Variants in ITGA3 observed in about 807,000 individuals in gnomAD.
ITGA3 encodes integrin subunit alpha 3.
A neutral mutation model predicts 131.1 loss-of-function variants in ITGA3; 70 were observed. That is an observed-to-expected ratio of 0.53 (90% confidence interval 0.44 to 0.65). The LOEUF (loss-of-function observed/expected upper bound fraction) is 0.65. Ranked by LOEUF, ITGA3 falls within the 30% of genes least tolerant of loss-of-function variation. The probability of loss-of-function intolerance (pLI) is 0.00; values close to 1 mark genes in which losing one functional copy is unlikely to be tolerated. For synonymous variants in ITGA3, 537 were observed against 571.6 expected (o/e 0.94, Z 0.86); for missense variants, 1,098 against 1,388.6 (o/e 0.79, Z 3.33).
rs762617834 is a variant in ITGA3 at position 50,075,544 on chromosome 17, G to A, written c.1537+18G>A. On this transcript the variant is annotated intron_variant, in intron 11 of 25. Transcript: ENST00000320031. ...AAACATCAGTGAGTGCTGGGGTGCAGCGTAAAAGGGGTACGCTCCCCTGTC... is the reference window on the plus strand; with the variant it reads ...AAACATCAGTGAGTGCTGGGGTGCAACGTAAAAGGGGTACGCTCCCCTGTC... 3.1e-6 allele frequency: 5 copies of A among 1,614,128 alleles called. No homozygotes were observed. Among genetic ancestry groups the A allele is most frequent in the Non-Finnish European group, 4.2e-6 (5 of 1,180,050 alleles).
In ITGA3 at chr17:50,081,509, C is replaced by T. The variant is rs1909185588; in HGVS notation, c.2919+101C>T. 6 of 858,904 alleles carry T rather than the reference C, an allele frequency of 7.0e-6. No homozygotes were observed. The South Asian group carries it at 7.9e-5, about 11-fold the overall frequency. 53.2% of individuals were successfully genotyped at this position (858,904 alleles called of 1,614,324 possible). A position where few individuals can be genotyped will look rare whatever the true frequency, so the allele number is the denominator to read the frequency against. On this transcript the variant is annotated intron_variant, in intron 23 of 25. Transcript: ENST00000320031. ...TGACGCACTTCAGCCATATGGTTCT[C>T]AATCTTGGCCACACGGTAAGAGTAT...
rs377406636 is a variant in ITGA3 at position 50,068,325 on chromosome 17, G to C, written c.664+20G>C. ...GGAAAGGTGGGGACCATGGGGCCAT[G>C]GGGGAAGAAAGGAAGAGCAGAGACC... is the stretch of plus-strand genomic sequence containing the variant. On this transcript the variant is annotated intron_variant, in intron 4 of 25. Coordinates refer to ENST00000320031, the MANE Select transcript of ITGA3 (RefSeq NM_002204.4). 7.1e-5 allele frequency: 115 copies of C among 1,609,768 alleles called. No individual in the cohort carries two copies. In the African/African-American group the frequency reaches 1.4e-3, roughly 20 times the overall value.
In ITGA3 at chr17:50,064,743, G is replaced by A; in HGVS notation, c.414+136G>A. On this transcript the variant is annotated intron_variant, in intron 3 of 25. Transcript: ENST00000320031. The surrounding 1 kb of genome is among the most constrained non-coding windows in gnomAD (Gnocchi z 4.4). ...GGGGCCTGCACACATGTCCCTTCCT[G>A]TGGCTGTGTGTCCCTCGCTCTCTGC... is the stretch of plus-strand genomic sequence containing the variant. The A allele has an allele frequency of 4.7e-6, 3 of 641,802 alleles. No individual in the cohort carries two copies. Among genetic ancestry groups the A allele is most frequent in the Non-Finnish European group, 8.0e-6 (3 of 374,082 alleles). 39.8% of individuals were successfully genotyped at this position (641,802 alleles called of 1,614,324 possible). A position where few individuals can be genotyped will look rare whatever the true frequency, so the allele number is the denominator to read the frequency against.
chr17:50,076,715 A>T, intron 14 of ITGA3, 34 bp downstream of exon 14: 1 of 1,477,260 alleles, frequency 6.8e-7, no homozygotes, highest in Non-Finnish European at 9.5e-7. Flanking sequence ...TTAATCGGCC[A>T]AGGGTGGGAC....
At chr17:50,086,277 G>T (rs372334875) in intron 23 of ITGA3, 10 of 37,918 alleles carry the variant, frequency 2.6e-4, no homozygotes, top group Non-Finnish European at 8.4e-4. Context: ...TATTATACAT[G>T]TATAATATAT....
At chr17:50,083,820 AT>A (rs1909278621) in intron 23 of ITGA3, among the ~76,000 whole-genome samples, 1 of 152,106 alleles carries the variant, frequency 6.6e-6, no homozygotes, top group South Asian at 2.1e-4. Context: ...GTATTTTTTA[AT>A]ATATAAAGGA....
rs1040195564 is a variant in ITGA3, at chr17:50,060,356, C to T, written c.206+3711C>T. Among the ~76,000 whole-genome samples the T allele has an allele frequency of 4.6e-5, 7 of 152,342 alleles. No homozygotes were observed. The South Asian group carries it at 6.2e-4, about 14-fold the overall frequency. Reference sequence around the variant, plus strand: ...GGCTGCTTCTCTGAGCATTACCCCACCCCAGTGCCCCCAGGGGCCTTCTCC... The same window carrying T: ...GGCTGCTTCTCTGAGCATTACCCCATCCCAGTGCCCCCAGGGGCCTTCTCC... On this transcript the variant is annotated intron_variant, in intron 1 of 25. Coordinates refer to ENST00000320031, the MANE Select transcript of ITGA3 (RefSeq NM_002204.4).
At chr17:50,079,809 T>TG (rs1254333017) in intron 21 of ITGA3, among the ~76,000 whole-genome samples, 1 of 152,148 alleles carries the variant, frequency 6.6e-6, no homozygotes, top group Non-Finnish European at 1.5e-5. Context: ...CCCAGCCTGT[T>TG]GGGGGCGATA....
chr17:50,068,295 C>T lies in ITGA3; in HGVS notation c.654C>T (p.Tyr218=), dbSNP rs1381611466. The T allele has an allele frequency of 2.5e-6, 4 of 1,613,214 alleles. No homozygotes were observed. Among genetic ancestry groups the T allele is most frequent in the South Asian group, 1.1e-5 (1 of 91,082 alleles). ...TGTACTTCGGCGCCCCCGGTGCCTA[C>T]AACTGGAAAGGTGGGGACCATGGGG... ...NTVYFGAPGA[Y]NWKGNSYMIQ... Residue 218 remains tyrosine, a synonymous_variant, in exon 4 of 26, where the codon TAC becomes TAT. Coordinates refer to ENST00000320031, the MANE Select transcript of ITGA3 (RefSeq NM_002204.4).
Position 50,089,882 on chromosome 17 carries a change from C to T in ITGA3, c.*804C>T, listed in dbSNP as rs114060466. The T allele has an allele frequency of 0.01, 1,858 of 180,114 alleles. 38 individuals carry two copies. The highest frequency in any genetic ancestry group is 0.04 in the African/African-American group (1,703 of 42,626). The allele number at this position is 180,114 out of a possible 1,614,324, so 11.2% of individuals were successfully genotyped here. ...AGAAGGACCCAGAACGGCTTGCTTT[C>T]CTGCATCTCTGTGAAGCCTCTCTCC... On this transcript the variant is annotated 3_prime_UTR_variant, in exon 26 of 26. Coordinates refer to ENST00000320031, the MANE Select transcript of ITGA3 (RefSeq NM_002204.4).
intron 22 of ITGA3, 145 bp from the exon 23 acceptor site, chr17:50,081,165 G>A (rs1198372712): frequency 1.7e-6 from 1 of 605,262 alleles, no homozygotes; most frequent in Non-Finnish European, 3.0e-6. Context: ...TGTGTGTGGA[G>A]GGGAGGCCTG....
At chr17:50,088,122 G>A in intron 24 of ITGA3, 103 bp from the exon 25 acceptor site, 1 of 1,432,662 alleles carries the variant, frequency 7.0e-7, no homozygotes, top group Non-Finnish European at 9.3e-7. Flanking sequence ...CTGAGCCCCA[G>A]CCCCCAGGCT....
Position 50,077,033 on chromosome 17 carries a change from G to A in ITGA3, c.1982G>A (p.Arg661Gln), listed in dbSNP as rs376118706. ...CTGAGCATCAACGTGACGAACACCC[G>A]GACCTCGGAGCGCTCCGGGGAGGAC... is the stretch of plus-strand genomic sequence containing the variant. Reference protein sequence around the residue: ...LLLSINVTNTRTSERSGEDAH... With the variant: ...LLLSINVTNTQTSERSGEDAH... Residue 661 changes from arginine to glutamine, a missense_variant, in exon 15 of 26, where the codon CGG (arginine) becomes CAG (glutamine). By Grantham distance (43) the Arg-to-Gln change is conservative. Coordinates refer to ENST00000320031, the MANE Select transcript of ITGA3 (RefSeq NM_002204.4). 1.9e-5 allele frequency: 30 copies of A among 1,610,684 alleles called. No individual in the cohort carries two copies. Among genetic ancestry groups the A allele is most frequent in the Admixed American group, 1.0e-4 (6 of 59,810 alleles).
Position 50,089,637 on chromosome 17 carries a change from A to C in ITGA3, c.*559A>C. On this transcript the variant is annotated 3_prime_UTR_variant, in exon 26 of 26. Coordinates refer to ENST00000320031, the MANE Select transcript of ITGA3 (RefSeq NM_002204.4). ...GAGCCGGGAGGAAAAGGCCCCTGCA[A>C]TGTGGTGACACCTCCCCCTTTCACA... 1 of 215,298 alleles carries C rather than the reference A, an allele frequency of 4.6e-6. No homozygotes were observed. The highest frequency in any genetic ancestry group is 9.6e-5 in the South Asian group (1 of 10,364). The allele number at this position is 215,298 out of a possible 1,614,324, so 13.3% of individuals were successfully genotyped here.
chr17:50,071,261 A>C, intron 5 of ITGA3, 50 bp from the exon 6 acceptor site: 11 of 1,528,550 alleles, frequency 7.2e-6, no homozygotes, highest in East Asian at 2.3e-5. Flanking sequence ...CAGAGTAGAA[A>C]GAGACGAAGT....
At chr17:50,065,275 C>A (rs1050403387) in intron 3 of ITGA3, 1 of 152,238 alleles carries the variant, frequency 6.6e-6, no homozygotes, top group South Asian at 2.1e-4. Context: ...ATCTCAAGCA[C>A]TTAACTCTGT....
At chr17:50,080,410 C>A in intron 22 of ITGA3, 35 bp downstream of exon 22, 1 of 1,340,700 alleles carries the variant, frequency 7.5e-7, no homozygotes, top group South Asian at 1.2e-5. Context: ...CTCCTACCAT[C>A]CACCCTGAGG....
Position 50,077,445 on chromosome 17 carries a change from A to G in ITGA3, c.2137A>G (p.Arg713Gly). The G allele has an allele frequency of 6.2e-7, 1 of 1,612,908 alleles. No individual in the cohort carries two copies. Among genetic ancestry groups the G allele is most frequent in the Non-Finnish European group, 8.5e-7 (1 of 1,178,922 alleles). Residue 713 changes from arginine to glycine, a missense_variant and splice_region_variant, in exon 16 of 26, where the codon AGG (arginine) becomes GGG (glycine). Physicochemically the swap from Arg to Gly is moderately radical, Grantham distance 125 (BLOSUM62 -2). Around this residue, in one of 3 missense-constraint regions of ITGA3, gnomAD observed 699 missense variants for 829.2 expected, o/e 0.84. Coordinates refer to ENST00000320031, the MANE Select transcript of ITGA3 (RefSeq NM_002204.4). The stretch of plus-strand genomic sequence containing the variant: ...GGGGAACCCCTTCAAACGGAACCAG[A>G]GGGTGAGCACCGGCCACATCCTCCC... ...ELGNPFKRNQ[R>G]MELLIAFEVI... is the part of the protein sequence containing the mutation.
Position 50,068,052 on chromosome 17 carries a change from C to A in ITGA3, c.415-4C>A, listed in dbSNP as rs1279174837. On this transcript the variant is annotated splice_region_variant and splice_polypyrimidine_tract_variant and intron_variant, in intron 3 of 25. Coordinates refer to ENST00000320031, the MANE Select transcript of ITGA3 (RefSeq NM_002204.4). ...AAGGCTGCCTGTGTTTGGGGGGTCC[C>A]CAGGTCTGTGCCCACCGCTACACCC... 1 of 1,613,864 alleles carries A rather than the reference C, an allele frequency of 6.2e-7. No homozygotes were observed. The highest frequency in any genetic ancestry group is 8.5e-7 in the Non-Finnish European group (1 of 1,180,018).
Sources: allele counts gnomAD v4.1 joint callset (sites outside exome capture counted in the v4.1 genomes callset), GRCh38; gene constraint gnomAD v4.1.1; regional missense constraint gnomAD v4.1.1; non-coding constraint Gnocchi (gnomAD v3.1); transcripts MANE v1.5; gene names NCBI Gene and HGNC (gene_info 2026-07-23, HGNC 2026-07-21).